Variants in GALNT13 observed in about 807,000 individuals in gnomAD.
GALNT13 encodes polypeptide N-acetylgalactosaminyltransferase 13, also known as UDP-GalNAc:polypeptide N-acetylgalactosaminyltransferase 13.
In GALNT13, 28 loss-of-function variants were observed where a neutral mutation model predicts 64.2. That is an observed-to-expected ratio of 0.44 (90% CI 0.32 to 0.60). GALNT13 has a LOEUF of 0.60. Ranked by LOEUF, GALNT13 falls within the 20% of genes least tolerant of loss-of-function variation. GALNT13 has a pLI of 0.05. For missense variants in GALNT13, 577 were observed against 669.8 expected (o/e 0.86, Z 1.53); for synonymous variants, 214 against 224.6 (o/e 0.95, Z 0.42).
At chr2:154,121,706 A>G (rs1681952462) in intron 3 of GALNT13, among the ~76,000 whole-genome samples, 1 of 151,236 alleles carries the variant, frequency 6.6e-6, no homozygotes. Flanking sequence ...CTATAGCACT[A>G]TTTGCTATAG....
At chr2:153,403,723 C>T in the GALNT13 span, among the ~76,000 whole-genome samples, 1 of 152,082 alleles carries the variant, frequency 6.6e-6, no homozygotes, top group Non-Finnish European at 1.5e-5. Flanking sequence ...TTTTTTGACT[C>T]GGAAAGGGAA....
the GALNT13 span, among the ~76,000 whole-genome samples, chr2:153,783,318 AT>A: frequency 6.6e-6 from 1 of 152,204 alleles, no homozygotes; most frequent in African/African-American, 2.4e-5. Context: ...CAGAGGTTAC[AT>A]TTGTCTTGAA....
At chr2:154,417,675 C>G (rs1670009076) in intron 11 of GALNT13, among the ~76,000 whole-genome samples, 1 of 151,584 alleles carries the variant, frequency 6.6e-6, no homozygotes, top group South Asian at 2.1e-4. Context: ...CCATACCTGG[C>G]TAATTTTTGT....
intron 4 of GALNT13, among the ~76,000 whole-genome samples, chr2:154,227,658 A>T (rs1688692663): frequency 6.6e-6 from 1 of 151,172 alleles, no homozygotes; most frequent in Non-Finnish European, 1.5e-5. Flanking sequence ...AAGGACATGA[A>T]CTCATCCTTT....
At chr2:153,160,465 A>G in the GALNT13 span, among the ~76,000 whole-genome samples, 4 of 152,196 alleles carry the variant, frequency 2.6e-5, no homozygotes, top group Admixed American at 6.5e-5. Flanking sequence ...TCTGCTTTGC[A>G]TCTTTGTGTA....
At chr2:153,694,710 T>C in the GALNT13 span, among the ~76,000 whole-genome samples, 6 of 152,184 alleles carry the variant, frequency 3.9e-5, no homozygotes, top group Non-Finnish European at 5.9e-5. Context: ...TTGAGTTGCA[T>C]CTTCAAATTT....
chr2:154,090,690 A>G (rs1701761606), intron 3 of GALNT13, among the ~76,000 whole-genome samples: 2 of 152,032 alleles, frequency 1.3e-5, no homozygotes, highest in African/African-American at 4.8e-5. Context: ...TTCCGTTACC[A>G]TTATGAAAAT....
At chr2:154,166,783 A>G (rs1257364600) in intron 4 of GALNT13, among the ~76,000 whole-genome samples, 1 of 152,240 alleles carries the variant, frequency 6.6e-6, no homozygotes, top group Non-Finnish European at 1.5e-5. Flanking sequence ...TACACCATGG[A>G]ATATTATGCA....
chr2:153,516,003 T>C, the GALNT13 span, among the ~76,000 whole-genome samples: 1 of 152,184 alleles, frequency 6.6e-6, no homozygotes, highest in African/African-American at 2.4e-5. Context: ...GAAATCATTC[T>C]GCCTATTGCA....
At chr2:153,176,656 G>A in the GALNT13 span, among the ~76,000 whole-genome samples, 1 of 150,866 alleles carries the variant, frequency 6.6e-6, no homozygotes, top group South Asian at 2.1e-4. Context: ...ATCCTTAAAA[G>A]GAGAGAAGGA....
the GALNT13 span, among the ~76,000 whole-genome samples, chr2:153,601,306 T>C: frequency 5.3e-5 from 8 of 151,788 alleles, no homozygotes; most frequent in Non-Finnish European, 8.8e-5. Context: ...ACAGAGCTTG[T>C]ACTAGTAATG....
intron 1 of GALNT13, among the ~76,000 whole-genome samples, chr2:153,890,685 A>G (rs1345516864): frequency 6.6e-6 from 1 of 152,092 alleles, no homozygotes; most frequent in Non-Finnish European, 1.5e-5. Flanking sequence ...AAGAGAAAAC[A>G]AAAGGAAAGG....
intron 7 of GALNT13, among the ~76,000 whole-genome samples, chr2:154,254,559 C>T (rs1210101978): frequency 6.6e-6 from 1 of 151,152 alleles, no homozygotes; most frequent in Non-Finnish European, 1.5e-5. Context: ...ACTATGATAA[C>T]AGAGATGAGT....
chr2:153,486,419 C>T, the GALNT13 span, among the ~76,000 whole-genome samples: 2 of 152,240 alleles, frequency 1.3e-5, no homozygotes, highest in Middle Eastern at 3.4e-3. Flanking sequence ...TAAACCTCTT[C>T]GTCTTTTATT....
the GALNT13 span, among the ~76,000 whole-genome samples, chr2:153,337,078 T>C: frequency 1.3e-5 from 2 of 152,166 alleles, no homozygotes; most frequent in African/African-American, 4.8e-5. Flanking sequence ...CAATTAAACC[T>C]CTTTTTCTTT....
intron 4 of GALNT13, among the ~76,000 whole-genome samples, chr2:154,210,975 C>T (rs542490222): frequency 7.9e-5 from 12 of 151,998 alleles, no homozygotes; most frequent in Non-Finnish European, 1.0e-4. Context: ...GTTGAAAATA[C>T]GAAGAGAGGC....
At chr2:154,017,222 A>G (rs1364952261) in intron 3 of GALNT13, among the ~76,000 whole-genome samples, 1 of 152,152 alleles carries the variant, frequency 6.6e-6, no homozygotes, top group Admixed American at 6.5e-5. Context: ...TATGACTTTC[A>G]TGGAGATATT....
chr2:154,298,737 A>ACATT (rs1559076134), intron 8 of GALNT13, among the ~76,000 whole-genome samples: 1 of 82,970 alleles, frequency 1.2e-5, no homozygotes, highest in African/African-American at 4.1e-5. Context: ...ATTTATATAT[A>ACATT]GTATATATAA....
At position 154,371,340 on chromosome 2, in the gene GALNT13, C is replaced by G. The variant is rs139300667; in HGVS notation, c.1157-24651C>G. On this transcript the variant is annotated intron_variant, in intron 9 of 12. Coordinates refer to ENST00000392825, the MANE Select transcript of GALNT13 (RefSeq NM_052917.4). ...AAGCTGGAGTATTTTTAATGAGTTT[C>G]CAGGTAATTATAATGTTGCTGTCAA... 3.4e-3 allele frequency among the ~76,000 whole-genome samples: 516 copies of G among 152,048 alleles called. 4 individuals are homozygous for G. Among genetic ancestry groups the G allele is most frequent in the South Asian group, 0.022 (104 of 4,814 alleles).
Sources: allele counts gnomAD v4.1 joint callset (sites outside exome capture counted in the v4.1 genomes callset), GRCh38; gene constraint gnomAD v4.1.1; transcripts MANE v1.5; gene names NCBI Gene and HGNC (gene_info 2026-07-23, HGNC 2026-07-21).